The following FA2H variants were observed in gnomAD, a reference collection of about 807,000 sequenced individuals.
The protein encoded by FA2H is fatty acid 2-hydroxylase.
In FA2H, 22 loss-of-function variants were observed where a neutral mutation model predicts 44.9. That is an observed-to-expected ratio of 0.49 (90% CI 0.35 to 0.70). The LOEUF is 0.70. Among genes scored for constraint, FA2H ranks in the 30% least tolerant of loss-of-function variants. The pLI is 0.01. For synonymous variants in FA2H, 243 were observed against 213.2 expected, an observed-to-expected ratio of 1.14 and a Z score of -1.22; for missense variants, 501 against 504.9, an observed-to-expected ratio of 0.99 and a Z score of 0.07.
intron 2 of FA2H, among the ~76,000 whole-genome samples, chr16:74,731,685 T>C (rs1366589788): frequency 6.6e-6 from 1 of 151,616 alleles, no homozygotes; most frequent in East Asian, 2.0e-4. Context: ...CACACATGGC[T>C]GCTATTTTCT....
intron 1 of FA2H, among the ~76,000 whole-genome samples, chr16:74,762,823 C>A (rs1037449829): frequency 6.6e-6 from 1 of 152,168 alleles, no homozygotes; most frequent in Non-Finnish European, 1.5e-5. Flanking sequence ...CCACTGCACC[C>A]GGCCTAGAGT....
At chr16:74,758,470 A>G (rs1962653159) in intron 1 of FA2H, among the ~76,000 whole-genome samples, 1 of 152,010 alleles carries the variant, frequency 6.6e-6, no homozygotes, top group Non-Finnish European at 1.5e-5. Context: ...ATTTTTATGA[A>G]CTATATTAAT....
intron 2 of FA2H, among the ~76,000 whole-genome samples, chr16:74,733,052 C>A (rs1357071207): frequency 6.6e-6 from 1 of 152,256 alleles, no homozygotes; most frequent in Non-Finnish European, 1.5e-5. Context: ...CAGTCCCAAG[C>A]TGCCTCTTGC....
intron 1 of FA2H, among the ~76,000 whole-genome samples, chr16:74,753,867 T>C (rs1374722182): frequency 6.6e-6 from 1 of 152,180 alleles, no homozygotes; most frequent in African/African-American, 2.4e-5. Context: ...AGATTTACAT[T>C]TTGTAGGTTT....
chr16:74,747,016 A>T (rs1962436727), intron 1 of FA2H, among the ~76,000 whole-genome samples: 1 of 152,178 alleles, frequency 6.6e-6, no homozygotes, highest in Admixed American at 6.6e-5. Context: ...ATGTCTAGAA[A>T]GGTGATAAAA....
chr16:74,768,779 T>C (rs1962853584), intron 1 of FA2H, among the ~76,000 whole-genome samples: 1 of 152,114 alleles, frequency 6.6e-6, no homozygotes, highest in Non-Finnish European at 1.5e-5. Context: ...GCCCAAAGTC[T>C]TACAGACCCA....
At chr16:74,750,349 G>A (rs977772210) in intron 1 of FA2H, among the ~76,000 whole-genome samples, 3 of 152,142 alleles carry the variant, frequency 2.0e-5, no homozygotes, top group Non-Finnish European at 4.4e-5. Flanking sequence ...TTTTTAAAAG[G>A]AGAATCAAGA....
rs1962818510 is a variant in FA2H at position 74,766,873 on chromosome 16, C to CATGTT, written c.270+7612_270+7613insAACAT. Among the ~76,000 whole-genome samples, 5 of 152,208 alleles carry CATGTT rather than the reference C, an allele frequency of 3.3e-5. No homozygotes were observed. The South Asian group carries it at 1.0e-3, about 32-fold the overall frequency. Reference sequence around the variant, plus strand: ...ATATAAACATGAGGGATTCACAAAACTATCCTATGGGGATAGAGATTAGAA... The same window carrying CATGTT: ...ATATAAACATGAGGGATTCACAAAACATGTTTATCCTATGGGGATAGAGATTAGAA... On this transcript the variant is annotated intron_variant, in intron 1 of 6. Transcript: ENST00000219368.
rs575080409 is a variant in FA2H, at chr16:74,727,096, T to C, written c.506+148A>G. The stretch of plus-strand genomic sequence containing the variant: ...CAAAACCATGCATAGGGATGAATTA[T>C]TCCCATGGCATGTTCCTCCCTCCCT... On this transcript the variant is annotated intron_variant, in intron 3 of 6. Transcript: ENST00000219368. 196 of 1,121,758 alleles carry C rather than the reference T, an allele frequency of 1.7e-4. No individual in the cohort carries two copies. In the African/African-American group the frequency reaches 2.3e-3, roughly 13 times the overall value. The allele number at this position is 1,121,758 out of a possible 1,614,324, so 69.5% of individuals were successfully genotyped here.
At chr16:74,717,661 C>T (rs1021628865) in intron 5 of FA2H, among the ~76,000 whole-genome samples, 1 of 152,186 alleles carries the variant, frequency 6.6e-6, no homozygotes, top group East Asian at 1.9e-4. Context: ...TCTGAGAACA[C>T]GTTCCTGATT....
rs568100781 is a variant in FA2H at position 74,731,435 on chromosome 16, C to T, written c.364-4049G>A. ...CTGGGATTACAGGCATGAGCCACCACACCCGGCCATCTCTGCCTTTCAATT... is the reference window on the plus strand; with the variant it reads ...CTGGGATTACAGGCATGAGCCACCATACCCGGCCATCTCTGCCTTTCAATT... On this transcript the variant is annotated intron_variant, in intron 2 of 6. Coordinates refer to ENST00000219368, the MANE Select transcript of FA2H (RefSeq NM_024306.5). Among the ~76,000 whole-genome samples, 633 of 152,202 alleles carry T rather than the reference C, an allele frequency of 4.2e-3. 1 individual carries two copies. Among genetic ancestry groups the T allele is most frequent in the Non-Finnish European group, 7.1e-3 (480 of 68,008 alleles).
Position 74,713,700 on chromosome 16 carries a change from C to T in FA2H, c.*490G>A, listed in dbSNP as rs1427938528. ...TCTCTTCTTGCGAGAGCTCTTTGTC[C>T]ACCTCAGAGCCACCAAAGCCTCCCC... On this transcript the variant is annotated 3_prime_UTR_variant, in exon 7 of 7. Transcript: ENST00000219368. The T allele has an allele frequency of 6.2e-6, 1 of 160,128 alleles. No individual in the cohort carries two copies. The highest frequency in any genetic ancestry group is 1.4e-5 in the Non-Finnish European group (1 of 72,134). The allele number at this position is 160,128 out of a possible 1,614,324, so 9.9% of individuals were successfully genotyped here. A position where few individuals can be genotyped will look rare whatever the true frequency, so the allele number is the denominator to read the frequency against.
At chr16:74,719,290 C>T in intron 4 of FA2H, 130 bp from the exon 5 acceptor site, 1 of 764,062 alleles carries the variant, frequency 1.3e-6, no homozygotes, top group Non-Finnish European at 2.2e-6. Flanking sequence ...AGGGCCAGGC[C>T]ATACTGCTGG....
intron 1 of FA2H, among the ~76,000 whole-genome samples, chr16:74,765,607 C>T (rs1458783697): frequency 1.3e-5 from 2 of 152,168 alleles, no homozygotes; most frequent in Non-Finnish European, 2.9e-5. Context: ...CACTCTGCTG[C>T]CCAGACTGGA....
At chr16:74,729,985 G>A (rs563749713) in intron 2 of FA2H, among the ~76,000 whole-genome samples, 1 of 152,212 alleles carries the variant, frequency 6.6e-6, no homozygotes, top group East Asian at 1.9e-4. Flanking sequence ...AAGCCTGGAC[G>A]AAACAGCCAT....
chr16:74,716,255 C>G, intron 6 of FA2H, 92 bp downstream of exon 6: 2 of 1,461,260 alleles, frequency 1.4e-6, no homozygotes, highest in Admixed American at 1.7e-5. Context: ...GTACATGGAA[C>G]AGTGCCTTGC....
At chr16:74,731,215 C>T (rs1450318705) in intron 2 of FA2H, among the ~76,000 whole-genome samples, 2 of 148,692 alleles carry the variant, frequency 1.3e-5, no homozygotes. Context: ...CTCATCGTAA[C>T]CTCCGTCTCC....
chr16:74,732,550 C>A (rs1962094970), intron 2 of FA2H, among the ~76,000 whole-genome samples: 1 of 151,982 alleles, frequency 6.6e-6, no homozygotes, highest in Admixed American at 6.6e-5. Context: ...GATTCTCCTG[C>A]CTCAGCCTCC....
At chr16:74,754,550 C>T (rs1962580661) in intron 1 of FA2H, among the ~76,000 whole-genome samples, 1 of 152,028 alleles carries the variant, frequency 6.6e-6, no homozygotes, top group Non-Finnish European at 1.5e-5. Flanking sequence ...ATTTTTGAGA[C>T]AGGGTCTGGC....
Sources: allele counts gnomAD v4.1 joint callset (sites outside exome capture counted in the v4.1 genomes callset), GRCh38; gene constraint gnomAD v4.1.1; transcripts MANE v1.5; gene names NCBI Gene and HGNC (gene_info 2026-07-23, HGNC 2026-07-21).